Variants in TRPM3 observed in about 807,000 individuals in gnomAD.
TRPM3 encodes the protein long transient receptor potential channel 3.
TRPM3 carries 77 observed loss-of-function variants against 181.2 expected under a neutral mutation model. The observed-to-expected ratio is 0.42, with a 90% confidence interval of 0.35 to 0.51. The LOEUF is 0.51. Ranked by LOEUF, TRPM3 falls within the 20% of genes least tolerant of loss-of-function variation. The pLI is 0.01. For synonymous variants in TRPM3, 745 were observed against 796.4 expected (o/e 0.94, Z 1.09); for missense variants, 1,759 against 2,196.7 (o/e 0.80, Z 3.98).
intron 21 of TRPM3, among the ~76,000 whole-genome samples, chr9:70,592,975 C>G (rs186286478): frequency 6.6e-6 from 1 of 152,096 alleles, no homozygotes; most frequent in African/African-American, 2.4e-5. Flanking sequence ...TGTGAGCCAC[C>G]CGCCTCGGCC....
intron 22 of TRPM3, among the ~76,000 whole-genome samples, chr9:70,562,982 A>G (rs1335898506): frequency 1.3e-5 from 2 of 152,190 alleles, no homozygotes; most frequent in Admixed American, 1.3e-4. Flanking sequence ...TCTATCACTA[A>G]ACAGGTGGGA....
At chr9:71,016,999 CAA>C (rs1205052913) in intron 1 of TRPM3, among the ~76,000 whole-genome samples, 4 of 152,046 alleles carry the variant, frequency 2.6e-5, no homozygotes, top group African/African-American at 9.7e-5. Context: ...ATTTATACTA[CAA>C]AGTTATAAAT....
chr9:70,808,112 G>A (rs2091094042), intron 6 of TRPM3, among the ~76,000 whole-genome samples: 1 of 152,124 alleles, frequency 6.6e-6, no homozygotes, highest in South Asian at 2.1e-4. Flanking sequence ...ATGAAAGGTA[G>A]TTAGCAATGA....
intron 3 of TRPM3, among the ~76,000 whole-genome samples, chr9:70,862,218 T>C (rs1055713460): frequency 2.6e-5 from 4 of 152,118 alleles, no homozygotes; most frequent in African/African-American, 9.7e-5. Context: ...AGAATTTTCA[T>C]AACACATGCT....
chr9:70,749,625 A>C (rs2075782874), intron 8 of TRPM3, among the ~76,000 whole-genome samples: 1 of 152,216 alleles, frequency 6.6e-6, no homozygotes, highest in Non-Finnish European at 1.5e-5. Flanking sequence ...GTAGTAATAA[A>C]GTCAGAAAAC....
intron 12 of TRPM3, among the ~76,000 whole-genome samples, chr9:70,634,175 T>A (rs1782884210): frequency 6.6e-6 from 1 of 152,316 alleles, no homozygotes; most frequent in African/African-American, 2.4e-5. Flanking sequence ...AGTGGCACGA[T>A]CTTGGCTCAC....
intron 1 of TRPM3, among the ~76,000 whole-genome samples, chr9:71,304,730 T>C (rs1270152992): frequency 6.6e-6 from 1 of 152,114 alleles, no homozygotes; most frequent in African/African-American, 2.4e-5. Context: ...TACAACATTC[T>C]CTCTTGAGGC....
intron 6 of TRPM3, among the ~76,000 whole-genome samples, chr9:70,816,389 A>T (rs535462773): frequency 9.2e-5 from 14 of 152,378 alleles, no homozygotes; most frequent in African/African-American, 3.4e-4. Context: ...AATCCCTCAC[A>T]AACCCATCTG....
chr9:70,838,582 G>A (rs11142613), intron 5 of TRPM3, among the ~76,000 whole-genome samples: 32,900 of 152,004 alleles, frequency 0.22, 4,379 homozygotes, highest in Non-Finnish European at 0.29. Context: ...TACAATCAGG[G>A]ATATGACGTT....
chr9:70,801,129 ATAAAC>A (rs993959618), intron 6 of TRPM3, among the ~76,000 whole-genome samples: 4 of 152,244 alleles, frequency 2.6e-5, no homozygotes, highest in African/African-American at 9.6e-5. Flanking sequence ...GATGAAAGGT[ATAAAC>A]TAGAGTTATT....
chr9:71,438,660 G>A (rs1183200369), intron 1 of TRPM3, among the ~76,000 whole-genome samples: 2 of 152,330 alleles, frequency 1.3e-5, no homozygotes, highest in Middle Eastern at 6.8e-3. Flanking sequence ...GCGATAGAGT[G>A]AGACTCTGCC....
intron 7 of TRPM3, among the ~76,000 whole-genome samples, chr9:70,778,113 G>A (rs1272729652): frequency 1.3e-5 from 2 of 152,024 alleles, no homozygotes; most frequent in East Asian, 1.9e-4. Flanking sequence ...TATAAGGGAG[G>A]GTCAAATATT....
intron 1 of TRPM3, among the ~76,000 whole-genome samples, chr9:71,411,005 A>G (rs1199973167): frequency 6.6e-6 from 1 of 152,224 alleles, no homozygotes; most frequent in Non-Finnish European, 1.5e-5. Context: ...CAAAAACCAC[A>G]TGATTATCTC....
At chr9:71,051,970 T>G (rs2060116464) in intron 1 of TRPM3, among the ~76,000 whole-genome samples, 1 of 151,968 alleles carries the variant, frequency 6.6e-6, no homozygotes, top group South Asian at 2.1e-4. Context: ...AAAAGAAAAT[T>G]TGGCACAGAA....
intron 1 of TRPM3, among the ~76,000 whole-genome samples, chr9:70,982,932 C>CT (rs2097377976): frequency 6.6e-6 from 1 of 152,134 alleles, no homozygotes; most frequent in Admixed American, 6.5e-5. Context: ...AACTCCTGAC[C>CT]TCGTGTTCCA....
chr9:70,661,585 G>A (rs1433414228), intron 9 of TRPM3, among the ~76,000 whole-genome samples: 11 of 151,990 alleles, frequency 7.2e-5, no homozygotes, highest in East Asian at 5.8e-4. Flanking sequence ...AACAAATTCA[G>A]TAAAGTCTCA....
At chr9:71,267,306 G>A (rs1286097883) in intron 1 of TRPM3, among the ~76,000 whole-genome samples, 4 of 152,136 alleles carry the variant, frequency 2.6e-5, no homozygotes, top group African/African-American at 4.8e-5. Context: ...CAAAAATGTA[G>A]TAAATAAAAG....
At chr9:70,961,632 T>G (rs1183735169) in intron 1 of TRPM3, among the ~76,000 whole-genome samples, 1 of 152,174 alleles carries the variant, frequency 6.6e-6, no homozygotes, top group East Asian at 1.9e-4. Context: ...ATTATAACAT[T>G]TCTACTATTA....
At chr9:71,200,045 T>C (rs943315412) in intron 1 of TRPM3, among the ~76,000 whole-genome samples, 14 of 152,230 alleles carry the variant, frequency 9.2e-5, no homozygotes, top group Non-Finnish European at 2.9e-5. Flanking sequence ...CTGCTTTGAA[T>C]GTGTCCCAGA....
Sources: allele counts gnomAD v4.1 joint callset (sites outside exome capture counted in the v4.1 genomes callset), GRCh38; gene constraint gnomAD v4.1.1; transcripts MANE v1.5; gene names NCBI Gene and HGNC (gene_info 2026-07-23, HGNC 2026-07-21).